Variants in MYO16 observed in about 807,000 individuals in gnomAD.
MYO16 encodes the protein unconventional myosin-XVI.
MYO16 carries 94 observed loss-of-function variants against 205.3 expected under a neutral mutation model. That is an observed-to-expected ratio of 0.46 (90% CI 0.39 to 0.54). The LOEUF (loss-of-function observed/expected upper bound fraction) is 0.54. Among genes scored for constraint, MYO16 ranks in the 20% least tolerant of loss-of-function variants. The pLI, the probability that MYO16 is intolerant of heterozygous loss-of-function variation, is 0.00. For synonymous variants in MYO16, 988 were observed against 954.0 expected, an observed-to-expected ratio of 1.04 and a Z score of -0.66; for missense variants, 2,315 against 2,387.5, an observed-to-expected ratio of 0.97 and a Z score of 0.63.
chr13:108,652,242 A>T (rs1881046218), intron 1 of MYO16, among the ~76,000 whole-genome samples: 2 of 152,198 alleles, frequency 1.3e-5, no homozygotes, highest in African/African-American at 4.8e-5. Flanking sequence ...ATTCCTGAAC[A>T]ACTATCTTTT....
intron 21 of MYO16, among the ~76,000 whole-genome samples, chr13:109,004,797 T>C (rs1254452685): frequency 6.6e-6 from 1 of 152,190 alleles, no homozygotes; most frequent in East Asian, 1.9e-4. Flanking sequence ...ATTTAGATAC[T>C]GAATGCCACT....
At chr13:108,997,348 G>A (rs371234059) in intron 21 of MYO16, among the ~76,000 whole-genome samples, 1 of 3,130 alleles carries the variant, frequency 3.2e-4, no homozygotes, top group African/African-American at 1.3e-3. Flanking sequence ...AAGAGAGAGA[G>A]AGAGAGAGAG....
Position 108,888,587 on chromosome 13 carries a change from G to A in MYO16, c.1659+110G>A, listed in dbSNP as rs1880012509. 1.1e-5 allele frequency: 6 copies of A among 553,928 alleles called. No individual in the cohort carries two copies. In the South Asian group the frequency reaches 2.0e-4, roughly 19 times the overall value. 34.3% of individuals were successfully genotyped at this position (553,928 alleles called of 1,614,324 possible). ...ATAGATACAAGGGGGTTCAAAATTT[G>A]TGGAAATAAAGAATAAAAAATTATT... On this transcript the variant is annotated intron_variant, in intron 14 of 34. Coordinates refer to ENST00000457511, the MANE Select transcript of MYO16 (RefSeq NM_001198950.3).
At chr13:108,633,222 G>T (rs1474224320) in intron 1 of MYO16, among the ~76,000 whole-genome samples, 1 of 152,150 alleles carries the variant, frequency 6.6e-6, no homozygotes, top group Non-Finnish European at 1.5e-5. Flanking sequence ...TAATAAGATA[G>T]ATGTATATAT....
the MYO16 span, among the ~76,000 whole-genome samples, chr13:108,561,987 G>T: frequency 6.6e-6 from 1 of 152,128 alleles, no homozygotes; most frequent in Non-Finnish European, 1.5e-5. Flanking sequence ...TTAAACCTTC[G>T]AATTTTACTT....
intron 10 of MYO16, among the ~76,000 whole-genome samples, chr13:108,854,725 A>G (rs900712450): frequency 1.3e-5 from 2 of 152,226 alleles, no homozygotes; most frequent in Non-Finnish European, 2.9e-5. Flanking sequence ...TGTTCTGGGT[A>G]TATAAAATTA....
intron 2 of MYO16, among the ~76,000 whole-genome samples, chr13:108,682,727 C>T (rs963785330): frequency 9.2e-5 from 14 of 152,000 alleles, no homozygotes; most frequent in African/African-American, 2.9e-4. Flanking sequence ...GCAGAGCCTT[C>T]GGTGGTAGAT....
chr13:108,860,701 T>G (rs1878410194), intron 11 of MYO16, among the ~76,000 whole-genome samples: 2 of 152,140 alleles, frequency 1.3e-5, no homozygotes, highest in Admixed American at 1.3e-4. Context: ...AGGAAAAGAT[T>G]CCCTCTTCAA....
intron 1 of MYO16, among the ~76,000 whole-genome samples, chr13:108,651,789 A>G (rs1050844779): frequency 2.0e-5 from 3 of 152,180 alleles, no homozygotes; most frequent in African/African-American, 7.2e-5. Context: ...GATTATGTGT[A>G]GAACTAAATC....
the MYO16 span, among the ~76,000 whole-genome samples, chr13:108,548,579 A>ATGG: frequency 3.1e-3 from 454 of 146,302 alleles, 4 homozygotes; most frequent in African/African-American, 0.011. Flanking sequence ...GATAATAATG[A>ATGG]TGGTGGTGGT....
At chr13:108,789,137 C>T (rs1457009514) in intron 5 of MYO16, among the ~76,000 whole-genome samples, 1 of 152,188 alleles carries the variant, frequency 6.6e-6, no homozygotes, top group Non-Finnish European at 1.5e-5. Flanking sequence ...TAGTTTGAAA[C>T]AACATGTCTC....
intron 23 of MYO16, among the ~76,000 whole-genome samples, chr13:109,026,545 A>G (rs557870503): frequency 2.0e-5 from 3 of 152,248 alleles, no homozygotes; most frequent in African/African-American, 7.2e-5. Flanking sequence ...CTAACTTGTT[A>G]TTTGTTGCAG....
chr13:108,772,471 GC>G (rs1237797547), intron 4 of MYO16, among the ~76,000 whole-genome samples: 6 of 152,290 alleles, frequency 3.9e-5, no homozygotes, highest in Admixed American at 3.9e-4. Context: ...ATTCTCACAA[GC>G]ATTTGGTGCA....
chr13:108,855,805 A>G (rs1245423204), intron 11 of MYO16, among the ~76,000 whole-genome samples: 1 of 152,148 alleles, frequency 6.6e-6, no homozygotes, highest in African/African-American at 2.4e-5. Flanking sequence ...CTGCTATTAA[A>G]CTTTCCTGTT....
chr13:109,143,145 A>C (rs943141355), intron 32 of MYO16, among the ~76,000 whole-genome samples: 1 of 152,238 alleles, frequency 6.6e-6, no homozygotes, highest in East Asian at 1.9e-4. Flanking sequence ...CACTTTATGC[A>C]TGCATTAACC....
In MYO16 at chr13:109,127,375, G is replaced by A. The variant is rs776121170; in HGVS notation, c.3876G>A (p.Pro1292=). The part of the protein sequence containing the change: ...VDGLGQCLVG[P]SIWSPSLHSV... The stretch of plus-strand genomic sequence containing the variant: ...GCCTGGGCCAGTGCCTCGTTGGCCC[G>A]TCCATCTGGTCTCCTTCGCTGCACT... The change falls in exon 31 of 35, where the codon CCG becomes CCA. Residue 1292 remains proline, a synonymous_variant. Transcript: ENST00000457511. This position sits in a 1 kb window ranked among gnomAD's most constrained non-coding sequence, Gnocchi z 4.2. The A allele has an allele frequency of 3.1e-6, 5 of 1,613,752 alleles. No individual in the cohort carries two copies. Among genetic ancestry groups the A allele is most frequent in the Admixed American group, 1.7e-5 (1 of 60,002 alleles).
chr13:108,635,801 G>A (rs1880201059), intron 1 of MYO16, among the ~76,000 whole-genome samples: 1 of 151,958 alleles, frequency 6.6e-6, no homozygotes, highest in South Asian at 2.1e-4. Context: ...TGCCCAGCCA[G>A]TTTTCCTGTT....
In MYO16 at chr13:108,910,060, A is replaced by G. The variant is rs770453799; in HGVS notation, c.1835A>G (p.Gln612Arg). ...AGACTTGTTTCACAACCTCTTGGCC[A>G]GAGCAATTTTCTCATTTTCTACTTG... is the stretch of plus-strand genomic sequence containing the variant. ...KSRLVSQPLG[Q>R]SNFLIFYLLM... The change falls in exon 16 of 35, where the codon CAG becomes CGG. Residue 612 changes from glutamine to arginine, a missense_variant. Around this residue, in one of 3 missense-constraint regions of MYO16, gnomAD observed 1,213 missense variants for 1,274.4 expected, o/e 0.95. Coordinates refer to ENST00000457511, the MANE Select transcript of MYO16 (RefSeq NM_001198950.3). 4 of 1,613,556 alleles carry G rather than the reference A, an allele frequency of 2.5e-6. No individual in the cohort carries two copies. In the South Asian group the frequency reaches 3.3e-5, roughly 13 times the overall value.
At chr13:109,198,645 C>G (rs1594180086) in intron 34 of MYO16, among the ~76,000 whole-genome samples, 1 of 152,244 alleles carries the variant, frequency 6.6e-6, no homozygotes, top group Non-Finnish European at 1.5e-5. Context: ...CATAATTCAG[C>G]AGTGTTTAAG....
Sources: gnomAD v4.1 joint callset for allele counts (sites outside exome capture counted in the v4.1 genomes callset) on GRCh38, gnomAD v4.1.1 for gene constraint, gnomAD v4.1.1 regional missense constraint, Gnocchi (gnomAD v3.1) non-coding constraint, MANE v1.5 for transcripts, NCBI Gene and HGNC (gene_info 2026-07-23, HGNC 2026-07-21) for gene names.